The following CRYM variants were observed in gnomAD, a reference collection of about 807,000 sequenced individuals.
CRYM encodes ketimine reductase mu-crystallin.
A neutral mutation model predicts 32.9 loss-of-function variants in CRYM; 18 were observed. That is an observed-to-expected ratio of 0.55 (90% CI 0.38 to 0.81). The LOEUF is 0.81. CRYM is among the 30% of genes least tolerant of loss of function. The pLI is 0.00. For synonymous variants in CRYM, 153 were observed against 152.4 expected, an observed-to-expected ratio of 1.00 and a Z score of -0.03; for missense variants, 337 against 393.5, an observed-to-expected ratio of 0.86 and a Z score of 1.21.
intron 1 of CRYM, among the ~76,000 whole-genome samples, chr16:21,289,361 C>A (rs936433530): frequency 6.6e-6 from 1 of 152,064 alleles, no homozygotes; most frequent in Admixed American, 6.5e-5. Flanking sequence ...TATCTTAAAG[C>A]CTATTTTGTC....
chr16:21,298,655 A>G (rs1479696331), intron 1 of CRYM, among the ~76,000 whole-genome samples: 2 of 152,222 alleles, frequency 1.3e-5, no homozygotes, highest in Non-Finnish European at 2.9e-5. Context: ...TGCTCAAATA[A>G]CAATAAAAGC....
intron 2 of CRYM, among the ~76,000 whole-genome samples, chr16:21,276,867 C>G (rs2093387612): frequency 6.6e-6 from 1 of 152,064 alleles, no homozygotes; most frequent in Non-Finnish European, 1.5e-5. Flanking sequence ...TGGGAGTAAT[C>G]ATATTACCCA....
upstream of CRYM, chr16:21,278,460 T>TCC (rs1597622315): frequency 2.3e-5 from 14 of 613,068 alleles, no homozygotes; most frequent in East Asian, 3.9e-4. Flanking sequence ...ATGGGTCCCT[T>TCC]CCAGCAACGG....
At chr16:21,261,726 T>C (rs1241544834) in intron 6 of CRYM, 1 of 466,256 alleles carries the variant, frequency 2.1e-6, no homozygotes, top group African/African-American at 2.0e-5. Context: ...CTTATCATGT[T>C]GGCCACATTG....
rs1757801944 is a variant in CRYM, at chr16:21,277,831, C to A, written c.171-247G>T. Among the ~76,000 whole-genome samples, 2 of 152,144 alleles carry A rather than the reference C, an allele frequency of 1.3e-5. No homozygotes were observed. The highest frequency in any genetic ancestry group is 2.9e-5 in the Non-Finnish European group (2 of 68,024). On this transcript the variant is annotated intron_variant, in intron 1 of 7. Transcript: ENST00000572914. The surrounding 1 kb of genome is among the most constrained non-coding windows in gnomAD (Gnocchi z 4.2). ...TAAGCTTAGGTAAGTCACTTAACCTCTCTGAGTCTCAGTTTTCCACCAATC... is the reference window on the plus strand; with the variant it reads ...TAAGCTTAGGTAAGTCACTTAACCTATCTGAGTCTCAGTTTTCCACCAATC...
chr16:21,293,086 T>G (rs1196570241), intron 1 of CRYM, among the ~76,000 whole-genome samples: 1 of 151,830 alleles, frequency 6.6e-6, no homozygotes, highest in Non-Finnish European at 1.5e-5. Flanking sequence ...AAAAATAGAT[T>G]CATACATGTA....
intron 1 of CRYM, among the ~76,000 whole-genome samples, chr16:21,286,149 T>A (rs2093406748): frequency 6.6e-6 from 1 of 152,212 alleles, no homozygotes; most frequent in Non-Finnish European, 1.5e-5. Flanking sequence ...AAACCACTTT[T>A]TGAGAAGAAT....
intron 1 of CRYM, among the ~76,000 whole-genome samples, chr16:21,299,411 C>T (rs1316695401): frequency 2.0e-5 from 3 of 151,962 alleles, no homozygotes; most frequent in Non-Finnish European, 2.9e-5. Context: ...TGGGTTGAAG[C>T]GATTCTCCTG....
At chr16:21,286,212 A>T (rs897416476) in intron 1 of CRYM, among the ~76,000 whole-genome samples, 19 of 146,882 alleles carry the variant, frequency 1.3e-4, no homozygotes, top group Non-Finnish European at 2.4e-4. Flanking sequence ...GACATAGTTA[A>T]AGACAGAATT....
chr16:21,297,131 C>G (rs534233128), intron 1 of CRYM, among the ~76,000 whole-genome samples: 1 of 152,274 alleles, frequency 6.6e-6, no homozygotes, highest in African/African-American at 2.4e-5. Flanking sequence ...CGGTGGCTCA[C>G]GCCTGTAATC....
chr16:21,269,769 C>A, intron 4 of CRYM, 21 bp downstream of exon 4: 1 of 1,140,408 alleles, frequency 8.8e-7, no homozygotes, highest in South Asian at 1.3e-5. Flanking sequence ...TCTTCTCTCC[C>A]ACCCCCACCC....
At chr16:21,293,285 T>TA (rs1960708474) in intron 1 of CRYM, among the ~76,000 whole-genome samples, 1 of 152,186 alleles carries the variant, frequency 6.6e-6, no homozygotes, top group African/African-American at 2.4e-5. Context: ...CTGTGCATTC[T>TA]AAAAGACAGC....
intron 1 of CRYM, among the ~76,000 whole-genome samples, chr16:21,299,689 T>C (rs1443460436): frequency 1.3e-5 from 2 of 152,220 alleles, no homozygotes; most frequent in African/African-American, 2.4e-5. Flanking sequence ...ATCATTGCTA[T>C]GAACTCCACA....
At chr16:21,259,159 C>T (rs192032859) in intron 7 of CRYM, among the ~76,000 whole-genome samples, 26 of 151,038 alleles carry the variant, frequency 1.7e-4, no homozygotes, top group Non-Finnish European at 2.8e-4. Context: ...AGTGCAGTGG[C>T]GCGATTTTGG....
At position 21,277,416 on chromosome 16, in the gene CRYM, C is replaced by A; in HGVS notation, c.324+15G>T. The A allele has an allele frequency of 1.9e-6, 3 of 1,612,106 alleles. No homozygotes were observed. The highest frequency in any genetic ancestry group is 2.5e-6 in the Non-Finnish European group (3 of 1,179,834). On this transcript the variant is annotated intron_variant, in intron 2 of 7. Transcript: ENST00000572914. This position sits in a 1 kb window ranked among gnomAD's most constrained non-coding sequence, Gnocchi z 4.2. ...CCAGGGGCCCCATTCCACCCCGGGA[C>A]AGGAAGTTGCTCACCGCCAGCAGGG...
intron 5 of CRYM, among the ~76,000 whole-genome samples, chr16:21,265,510 T>C (rs2093362168): frequency 1.3e-5 from 2 of 152,226 alleles, no homozygotes; most frequent in African/African-American, 4.8e-5. Flanking sequence ...GTCTCATCTT[T>C]AGCCAGAACG....
At chr16:21,290,220 A>C (rs369399971) in intron 1 of CRYM, among the ~76,000 whole-genome samples, 1 of 152,266 alleles carries the variant, frequency 6.6e-6, no homozygotes, top group African/African-American at 2.4e-5. Context: ...GCTGCTGCTC[A>C]CTGTTTGGGT....
At chr16:21,275,658 C>T in intron 2 of CRYM, 64 bp from the exon 3 acceptor site, 2 of 1,333,250 alleles carry the variant, frequency 1.5e-6, no homozygotes, top group Admixed American at 1.7e-5. Context: ...TTAGAAGAAA[C>T]AGTTCTAAAA....
chr16:21,297,891 C>G (rs183158751), intron 1 of CRYM, among the ~76,000 whole-genome samples: 1 of 152,336 alleles, frequency 6.6e-6, no homozygotes, highest in Admixed American at 6.5e-5. Flanking sequence ...AGAAACACAA[C>G]TAAAGCAAAC....
Sources: gnomAD v4.1 joint callset for allele counts (sites outside exome capture counted in the v4.1 genomes callset) on GRCh38, gnomAD v4.1.1 for gene constraint, Gnocchi (gnomAD v3.1) non-coding constraint, MANE v1.5 for transcripts, NCBI Gene and HGNC (gene_info 2026-07-23, HGNC 2026-07-21) for gene names.